HYDIN: variants seen among roughly 807,000 people sequenced by gnomAD.
The protein encoded by HYDIN is axonemal central pair apparatus protein HYDIN.
HYDIN carries 132 observed loss-of-function variants against 403.9 expected under a neutral mutation model. The observed-to-expected ratio is 0.33, with a 90% CI of 0.28 to 0.38. HYDIN has a LOEUF of 0.38. HYDIN is among the 10% of genes least tolerant of loss of function. The pLI, the probability that HYDIN is intolerant of heterozygous loss-of-function variation, is 1.00. For missense variants in HYDIN, 2,827 were observed against 5,009.5 expected, an observed-to-expected ratio of 0.56 and a Z score of 13.15; for synonymous variants, 1,202 against 1,891.7, an observed-to-expected ratio of 0.64 and a Z score of 9.46.
chr16:70,945,747 T>A (rs1238875829), intron 41 of HYDIN, among the ~76,000 whole-genome samples: 3 of 152,032 alleles, frequency 2.0e-5, no homozygotes, highest in African/African-American at 4.8e-5. Context: ...GAGGGGGTGA[T>A]CAGCTGCCAA....
chr16:71,057,517 C>CA (rs2081940400), intron 18 of HYDIN, among the ~76,000 whole-genome samples: 1 of 152,136 alleles, frequency 6.6e-6, no homozygotes, highest in African/African-American at 2.4e-5. Flanking sequence ...AAATATCTGA[C>CA]AAATGCTGAA....
At chr16:70,838,719 T>G (rs1309872979) in intron 76 of HYDIN, among the ~76,000 whole-genome samples, 1 of 151,960 alleles carries the variant, frequency 6.6e-6, no homozygotes, top group Non-Finnish European at 1.5e-5. Flanking sequence ...ATCTGTAAAA[T>G]GGGGGTAATG....
At chr16:71,204,725 T>C (rs891683488) in intron 1 of HYDIN, among the ~76,000 whole-genome samples, 1 of 152,176 alleles carries the variant, frequency 6.6e-6, no homozygotes, top group South Asian at 2.1e-4. Context: ...TTGGTAAATA[T>C]TGAGAGGAAA....
intron 18 of HYDIN, among the ~76,000 whole-genome samples, chr16:71,032,534 T>C (rs2080952977): frequency 7.1e-6 from 1 of 141,788 alleles, no homozygotes; most frequent in African/African-American, 2.6e-5. Context: ...CAGGGAAACA[T>C]TCTAAGAAAT....
intron 18 of HYDIN, among the ~76,000 whole-genome samples, chr16:71,048,070 C>T (rs999609741): frequency 4.2e-5 from 6 of 141,508 alleles, no homozygotes; most frequent in Admixed American, 1.4e-4. Context: ...TTAGCTCCCA[C>T]ATATGAGTGA....
chr16:71,184,802 T>C, intron 3 of HYDIN, 63 bp downstream of exon 3: 8 of 1,426,664 alleles, frequency 5.6e-6, no homozygotes, highest in Non-Finnish European at 7.6e-6. Flanking sequence ...TTACTTATTG[T>C]TCTGGAATTT....
In HYDIN at chr16:70,920,808, T is replaced by C. The variant is rs62047015; in HGVS notation, c.7568A>G (p.Lys2523Arg). 31 of 1,564,350 alleles carry C rather than the reference T, an allele frequency of 2.0e-5. No homozygotes were observed. The Admixed American group carries it at 6.0e-4, about 30-fold the overall frequency. The change falls in exon 46 of 86, where the codon AAG (lysine) becomes AGG (arginine). Residue 2523 changes from lysine to arginine, a missense_variant. By Grantham distance (26) the Lys-to-Arg change is conservative. Coordinates refer to ENST00000393567, the MANE Select transcript of HYDIN (RefSeq NM_001270974.2). ...CGCCTTCTCCCTCTCCAGGCGCTCC[T>C]TCTCCGTGCGCTCCTTCTCCAGGCG... Reference protein sequence around the residue: ...RERLEKERTEKERLEREKAER... With the variant: ...RERLEKERTERERLEREKAER...
chr16:70,830,834 A>G (rs1246917788), intron 80 of HYDIN, among the ~76,000 whole-genome samples: 1 of 152,200 alleles, frequency 6.6e-6, no homozygotes, highest in East Asian at 1.9e-4. Flanking sequence ...CTCAGGTTTC[A>G]TACATGTTAA....
chr16:70,896,462 C>T (rs1419660721), intron 53 of HYDIN, among the ~76,000 whole-genome samples: 1 of 152,128 alleles, frequency 6.6e-6, no homozygotes, highest in Non-Finnish European at 1.5e-5. Context: ...AAGCCATCCT[C>T]CCATCTCAGC....
intron 44 of HYDIN, among the ~76,000 whole-genome samples, chr16:70,936,897 G>C (rs907769044): frequency 4.6e-5 from 7 of 151,584 alleles, no homozygotes; most frequent in Non-Finnish European, 7.4e-5. Context: ...CAGTCCGAAA[G>C]CCGTGTTCCC....
intron 83 of HYDIN, among the ~76,000 whole-genome samples, chr16:70,826,766 C>G (rs1445543176): frequency 7.0e-6 from 1 of 143,082 alleles, no homozygotes; most frequent in Admixed American, 6.8e-5. Context: ...TTCCTAGATA[C>G]TTTCTTTTTT....
intron 9 of HYDIN, among the ~76,000 whole-genome samples, chr16:71,124,002 T>C (rs1288827395): frequency 6.6e-6 from 1 of 151,834 alleles, no homozygotes; most frequent in Non-Finnish European, 1.5e-5. Context: ...ATTAATATTC[T>C]CTGGGTCATT....
intron 45 of HYDIN, among the ~76,000 whole-genome samples, chr16:70,927,562 C>G (rs2077191912): frequency 7.2e-6 from 1 of 139,298 alleles, no homozygotes; most frequent in Non-Finnish European, 1.6e-5. Flanking sequence ...GGTAGCCCTG[C>G]TGGGCAGGAG....
At chr16:71,115,227 C>A (rs111708649) in intron 10 of HYDIN, among the ~76,000 whole-genome samples, 1 of 151,966 alleles carries the variant, frequency 6.6e-6, no homozygotes, top group Non-Finnish European at 1.5e-5. Flanking sequence ...TGAGTTCTCA[C>A]GAGATCTGAT....
At chr16:71,125,808 CT>C (rs113077520) in intron 9 of HYDIN, among the ~76,000 whole-genome samples, 6 of 152,314 alleles carry the variant, frequency 3.9e-5, no homozygotes, top group African/African-American at 1.4e-4. Flanking sequence ...CATTTCCTTC[CT>C]TTCTGACCAC....
At chr16:71,210,253 C>A (rs1281655215) in intron 1 of HYDIN, among the ~76,000 whole-genome samples, 1 of 152,122 alleles carries the variant, frequency 6.6e-6, no homozygotes, top group African/African-American at 2.4e-5. Context: ...AGACATGGAT[C>A]AACCTAAATG....
At chr16:70,989,589 T>A (rs1280220312) in intron 25 of HYDIN, among the ~76,000 whole-genome samples, 1 of 152,168 alleles carries the variant, frequency 6.6e-6, no homozygotes. Context: ...TGACCTAATA[T>A]GAGTGCCATC....
chr16:71,056,727 C>T (rs949953823), intron 18 of HYDIN, among the ~76,000 whole-genome samples: 3 of 152,264 alleles, frequency 2.0e-5, no homozygotes, highest in East Asian at 3.8e-4. Flanking sequence ...AGAAGAACTT[C>T]CAGCACCTGA....
At chr16:70,937,160 G>A (rs965891584) in intron 44 of HYDIN, among the ~76,000 whole-genome samples, 32 of 151,790 alleles carry the variant, frequency 2.1e-4, no homozygotes, top group African/African-American at 5.8e-4. Flanking sequence ...GTGTGTGCGC[G>A]TGTGTGGTGT....
Sources: allele counts gnomAD v4.1 joint callset (sites outside exome capture counted in the v4.1 genomes callset), GRCh38; gene constraint gnomAD v4.1.1; transcripts MANE v1.5; gene names NCBI Gene and HGNC (gene_info 2026-07-23, HGNC 2026-07-21).